Variants in SNTG2 observed in about 807,000 individuals in gnomAD.
SNTG2 encodes the protein gamma-2-syntrophin.
In SNTG2, 74 loss-of-function variants were observed where a neutral mutation model predicts 70.9. That is an observed-to-expected ratio of 1.04 (90% CI 0.86 to 1.27). SNTG2 has a LOEUF of 1.27. SNTG2 is among the 50% of genes most tolerant of loss of function. The pLI, the probability that SNTG2 is intolerant of heterozygous loss-of-function variation, is 0.00. For synonymous variants in SNTG2, 278 were observed against 273.8 expected (o/e 1.02, Z -0.15); for missense variants, 717 against 690.7 (o/e 1.04, Z -0.43).
intron 2 of SNTG2, among the ~76,000 whole-genome samples, chr2:1,093,241 AT>A (rs1327387705): frequency 3.9e-5 from 6 of 152,132 alleles, no homozygotes; most frequent in Admixed American, 1.3e-4. Flanking sequence ...CTGGGAGAGC[AT>A]TGAGGCAGCG....
intron 1 of SNTG2, among the ~76,000 whole-genome samples, chr2:987,255 A>G (rs1181295075): frequency 2.0e-5 from 3 of 152,198 alleles, no homozygotes; most frequent in African/African-American, 7.2e-5. Context: ...GTGAGGCTAG[A>G]CTGCGCTGGG....
At chr2:1,083,241 T>C (rs1664455224) in intron 1 of SNTG2, among the ~76,000 whole-genome samples, 1 of 95,834 alleles carries the variant, frequency 1.0e-5, no homozygotes, top group South Asian at 3.9e-4. Context: ...ACTATAAAAC[T>C]TCACAAGTTA....
intron 1 of SNTG2, among the ~76,000 whole-genome samples, chr2:1,025,841 G>A (rs190842734): frequency 6.6e-6 from 1 of 152,234 alleles, no homozygotes; most frequent in Admixed American, 6.5e-5. Context: ...TATTTTTGTG[G>A]GGGCCTTTGC....
At chr2:1,244,089 C>T (rs1266852704) in intron 11 of SNTG2, among the ~76,000 whole-genome samples, 1 of 152,154 alleles carries the variant, frequency 6.6e-6, no homozygotes, top group Non-Finnish European at 1.5e-5. Flanking sequence ...AGAGTTTGCC[C>T]TGCAGGCAAA....
chr2:1,207,470 G>C (rs1448359339), intron 8 of SNTG2, among the ~76,000 whole-genome samples: 1 of 152,136 alleles, frequency 6.6e-6, no homozygotes, highest in Non-Finnish European at 1.5e-5. Flanking sequence ...CGCCTCTTCT[G>C]TATGACGCTC....
chr2:1,030,987 CTAGT>C (rs1163450045), intron 1 of SNTG2, among the ~76,000 whole-genome samples: 1 of 152,148 alleles, frequency 6.6e-6, no homozygotes, highest in Non-Finnish European at 1.5e-5. Flanking sequence ...TGGTAGTTAG[CTAGT>C]TAGACAGGTT....
At position 1,362,571 on chromosome 2, in the gene SNTG2, A is replaced by G. The variant is rs563798806; in HGVS notation, c.1489-4772A>G. ...GAGCATTTCAATAGAACTTCCATGA[A>G]GGTCACCGACACTGAGCATTTCAGT... is the stretch of plus-strand genomic sequence containing the variant. On this transcript the variant is annotated intron_variant, in intron 16 of 16. Coordinates refer to ENST00000308624, the MANE Select transcript of SNTG2 (RefSeq NM_018968.4). Among the ~76,000 whole-genome samples, 400 of 151,126 alleles carry G rather than the reference A, an allele frequency of 2.6e-3. 7 individuals are homozygous for G. Among genetic ancestry groups the G allele is most frequent in the African/African-American group, 8.6e-3 (350 of 40,906 alleles).
At chr2:1,238,606 A>T (rs1676838934) in intron 10 of SNTG2, among the ~76,000 whole-genome samples, 1 of 152,230 alleles carries the variant, frequency 6.6e-6, no homozygotes, top group African/African-American at 2.4e-5. Context: ...AGACTTGATG[A>T]CACGGGCGTT....
intron 1 of SNTG2, among the ~76,000 whole-genome samples, chr2:1,007,003 TG>T (rs1659592077): frequency 6.6e-6 from 1 of 152,012 alleles, no homozygotes; most frequent in African/African-American, 2.4e-5. Context: ...CACCCCAGCC[TG>T]GGCAACAGAG....
chr2:1,030,933 A>G (rs1034436355), intron 1 of SNTG2, among the ~76,000 whole-genome samples: 13 of 152,300 alleles, frequency 8.5e-5, no homozygotes, highest in African/African-American at 2.9e-4. Context: ...CAGTTGTGAA[A>G]TTCGAAGATA....
chr2:1,048,422 A>C (rs886364309), intron 1 of SNTG2, among the ~76,000 whole-genome samples: 1 of 152,146 alleles, frequency 6.6e-6, no homozygotes, highest in African/African-American at 2.4e-5. Context: ...CCTGATGCCA[A>C]ACTCTCTCCA....
chr2:1,040,596 A>G (rs1572278054), intron 1 of SNTG2, among the ~76,000 whole-genome samples: 1 of 152,310 alleles, frequency 6.6e-6, no homozygotes. Context: ...TCTACCAAAC[A>G]CATTAACCTG....
intron 6 of SNTG2, among the ~76,000 whole-genome samples, chr2:1,141,951 G>A (rs1287623029): frequency 4.7e-5 from 1 of 21,306 alleles, no homozygotes; most frequent in African/African-American, 1.5e-4. Context: ...CAGAGCCAGG[G>A]TCCAGCAGCA....
intron 11 of SNTG2, among the ~76,000 whole-genome samples, chr2:1,240,561 C>T (rs1297900578): frequency 6.6e-6 from 1 of 152,176 alleles, no homozygotes; most frequent in African/African-American, 2.4e-5. Flanking sequence ...ATCATAGCCT[C>T]AAGTTAAGAA....
chr2:1,329,630 AG>A (rs1659410687), intron 16 of SNTG2, among the ~76,000 whole-genome samples: 1 of 152,254 alleles, frequency 6.6e-6, no homozygotes, highest in South Asian at 2.1e-4. Flanking sequence ...GGGGTAGTGC[AG>A]GGAAGAAAAT....
At chr2:1,014,539 A>G (rs55779827) in intron 1 of SNTG2, among the ~76,000 whole-genome samples, 995 of 28,430 alleles carry the variant, frequency 0.035, 4 homozygotes, top group Middle Eastern at 0.062. Context: ...GGTCTGGAGA[A>G]GGATTTATAT....
At chr2:999,729 G>T (rs73164780) in intron 1 of SNTG2, among the ~76,000 whole-genome samples, 1 of 152,060 alleles carries the variant, frequency 6.6e-6, no homozygotes, top group Middle Eastern at 3.4e-3. Flanking sequence ...AAATCATTGA[G>T]ATTGAAAATC....
chr2:1,327,359 G>A (rs561637812), intron 16 of SNTG2, among the ~76,000 whole-genome samples: 1 of 152,034 alleles, frequency 6.6e-6, no homozygotes, highest in African/African-American at 2.4e-5. Context: ...AATAATTGCT[G>A]TCTTAGTATT....
intron 6 of SNTG2, among the ~76,000 whole-genome samples, chr2:1,148,943 T>C (rs71339710): frequency 0.94 from 142,508 of 152,130 alleles, 66,876 homozygotes; most frequent in Non-Finnish European, 0.97. Flanking sequence ...GTCTCGAGGT[T>C]TCACAGCTGC....
Sources: allele counts gnomAD v4.1 joint callset (sites outside exome capture counted in the v4.1 genomes callset), GRCh38; gene constraint gnomAD v4.1.1; transcripts MANE v1.5; gene names NCBI Gene and HGNC (gene_info 2026-07-23, HGNC 2026-07-21).